TTLL11: variants seen among roughly 807,000 people sequenced by gnomAD.
TTLL11 encodes the protein tubulin tyrosine ligase like 11.
Under a neutral mutation model 51.7 loss-of-function variants are expected in TTLL11, and 42 were observed. The ratio of observed to expected loss-of-function variants is 0.81; its 90% CI spans 0.64 to 1.05. The LOEUF (loss-of-function observed/expected upper bound fraction) is 1.05. TTLL11 is among the 50% of genes least tolerant of loss of function. The probability of loss-of-function intolerance (pLI) is 0.00; values close to 1 mark genes in which losing one functional copy is unlikely to be tolerated. For synonymous variants in TTLL11, 381 were observed against 383.5 expected (o/e 0.99, Z 0.08); for missense variants, 799 against 940.4 (o/e 0.85, Z 1.97).
intron 6 of TTLL11, among the ~76,000 whole-genome samples, chr9:121,964,087 T>C (rs7020896): frequency 0.98 from 149,697 of 152,062 alleles, 73,729 homozygotes; most frequent in Middle Eastern, 1. Flanking sequence ...CACAGATACC[T>C]TTCAAGACTT....
intron 6 of TTLL11, among the ~76,000 whole-genome samples, chr9:121,893,959 A>C (rs1308933562): frequency 6.6e-6 from 1 of 152,196 alleles, no homozygotes; most frequent in Admixed American, 6.5e-5. Flanking sequence ...TGGCCTCCAA[A>C]GCTCTAAGGG....
intron 7 of TTLL11, among the ~76,000 whole-genome samples, chr9:121,866,368 A>G (rs969019788): frequency 3.3e-5 from 5 of 152,204 alleles, no homozygotes; most frequent in African/African-American, 1.2e-4. Context: ...CATTTGAAAA[A>G]GAAAAATCCG....
intron 3 of TTLL11, among the ~76,000 whole-genome samples, chr9:122,004,146 A>T (rs1439276854): frequency 6.6e-6 from 1 of 152,006 alleles, no homozygotes; most frequent in Non-Finnish European, 1.5e-5. Context: ...AAATAAAAAT[A>T]AAAAGTACCT....
chr9:122,017,007 T>G (rs574986178), intron 3 of TTLL11, among the ~76,000 whole-genome samples: 1 of 152,312 alleles, frequency 6.6e-6, no homozygotes, highest in African/African-American at 2.4e-5. Context: ...CTGATCACAT[T>G]TGAGTACCGG....
chr9:122,067,119 G>T (rs1194513666), intron 1 of TTLL11, among the ~76,000 whole-genome samples: 3 of 152,156 alleles, frequency 2.0e-5, no homozygotes, highest in Non-Finnish European at 4.4e-5. Flanking sequence ...CAAGACTTGA[G>T]TTCAAATCCT....
intron 6 of TTLL11, among the ~76,000 whole-genome samples, chr9:121,922,689 C>T (rs1840585531): frequency 6.6e-6 from 1 of 151,932 alleles, no homozygotes; most frequent in South Asian, 2.1e-4. Context: ...ATGTTAGAGC[C>T]CCAAGCAGGC....
At chr9:121,904,146 G>C (rs1213359631) in intron 6 of TTLL11, among the ~76,000 whole-genome samples, 1 of 152,054 alleles carries the variant, frequency 6.6e-6, no homozygotes, top group Non-Finnish European at 1.5e-5. Context: ...GATCATCCAA[G>C]GGACATCTGC....
chr9:121,971,285 G>A, intron 6 of TTLL11, among the ~76,000 whole-genome samples: 1 of 88,926 alleles, frequency 1.1e-5, no homozygotes, highest in Non-Finnish European at 2.6e-5. Flanking sequence ...CAGCCCCCCT[G>A]CCCGGCCAGC....
At chr9:122,061,502 A>G (rs1332203795) in intron 1 of TTLL11, among the ~76,000 whole-genome samples, 1 of 152,250 alleles carries the variant, frequency 6.6e-6, no homozygotes, top group East Asian at 1.9e-4. Context: ...TTGGGGTTGA[A>G]GAGTAGATAC....
At chr9:121,982,599 G>A (rs1842850022) in intron 4 of TTLL11, among the ~76,000 whole-genome samples, 1 of 151,520 alleles carries the variant, frequency 6.6e-6, no homozygotes, top group Admixed American at 6.6e-5. Context: ...GCGGGTAGCT[G>A]TAATCCAGCT....
intron 4 of TTLL11, among the ~76,000 whole-genome samples, chr9:121,976,760 T>C (rs1160043197): frequency 1.3e-5 from 2 of 152,182 alleles, no homozygotes; most frequent in South Asian, 2.1e-4. Context: ...GGATGAAAAG[T>C]TGGGAAAAGT....
rs905321808 is a variant in TTLL11 at position 121,822,671 on chromosome 9, G to T, written c.2049C>A (p.Pro683=). 1.3e-6 allele frequency: 2 copies of T among 1,543,382 alleles called. No homozygotes were observed. The highest frequency in any genetic ancestry group is 1.7e-6 in the Non-Finnish European group (2 of 1,144,046). Residue 683 remains proline (P), a synonymous_variant, in exon 9 of 9, where the codon CCC becomes CCA. Transcript: ENST00000321582. The surrounding 1 kb of genome is among the most constrained non-coding windows in gnomAD (Gnocchi z 5.8). Reference sequence around the variant, plus strand: ...GGTTGTCCCCTGCTGGCTGGGCCGAGGGGGAGGGCTCCTGGGGAGGGCCAC... The same window carrying T: ...GGTTGTCCCCTGCTGGCTGGGCCGATGGGGAGGGCTCCTGGGGAGGGCCAC... ...PHRGPPQEPS[P]SAQPAGDNPP...
intron 8 of TTLL11, among the ~76,000 whole-genome samples, chr9:121,850,151 C>CATAT (rs200317553): frequency 1.9e-5 from 2 of 106,668 alleles, no homozygotes; most frequent in African/African-American, 3.5e-5. Context: ...AGACTCACTG[C>CATAT]ATATATATAT....
At chr9:121,876,260 A>G (rs1212607774) in intron 6 of TTLL11, among the ~76,000 whole-genome samples, 1 of 152,276 alleles carries the variant, frequency 6.6e-6, no homozygotes, top group Non-Finnish European at 1.5e-5. Context: ...AGTGGTATAT[A>G]GTTCCAGAAA....
chr9:122,080,417 C>T (rs1008616741), intron 1 of TTLL11, among the ~76,000 whole-genome samples: 6 of 152,006 alleles, frequency 3.9e-5, no homozygotes, highest in Non-Finnish European at 5.9e-5. Context: ...GGTGCAGTGA[C>T]GCACACCTGT....
Position 121,860,393 on chromosome 9 carries a change from A to G in TTLL11, c.1784T>C (p.Leu595Pro), listed in dbSNP as rs1325179464. The G allele has an allele frequency of 1.4e-5, 22 of 1,551,512 alleles. No homozygotes were observed. The highest frequency in any genetic ancestry group is 1.9e-5 in the Non-Finnish European group (22 of 1,146,966). ...SSLSMAAVDI[L>P]YIDITRRWNS... ...CCACCTCCGTGTGATGTCAATGTAG[A>G]GGATGTCCACGGCAGCCATGGACAG... The change falls in exon 8 of 9, where the codon CTC becomes CCC. Residue 595 changes from leucine (L) to proline (P), a missense_variant. Coordinates refer to ENST00000321582, the MANE Select transcript of TTLL11 (RefSeq NM_001139442.2).
chr9:122,054,977 T>C (rs184400448), intron 1 of TTLL11, among the ~76,000 whole-genome samples: 105 of 152,292 alleles, frequency 6.9e-4, no homozygotes, highest in African/African-American at 2.4e-3. Flanking sequence ...AATTCAGTAC[T>C]TTCCCCAATA....
chr9:121,864,376 C>A (rs1029036097), intron 7 of TTLL11, among the ~76,000 whole-genome samples: 5 of 152,110 alleles, frequency 3.3e-5, no homozygotes, highest in African/African-American at 1.2e-4. Context: ...AGGATAAATT[C>A]TTCAGTGGAA....
At chr9:122,002,889 T>TGAGCCGA (rs1843516881) in intron 3 of TTLL11, among the ~76,000 whole-genome samples, 1 of 138,586 alleles carries the variant, frequency 7.2e-6, no homozygotes, top group Admixed American at 8.0e-5. Flanking sequence ...GAGGTTGCAG[T>TGAGCCGA]GAGCCGAGAG....
Sources: allele counts gnomAD v4.1 joint callset (sites outside exome capture counted in the v4.1 genomes callset), GRCh38; gene constraint gnomAD v4.1.1; non-coding constraint Gnocchi (gnomAD v3.1); transcripts MANE v1.5; gene names NCBI Gene and HGNC (gene_info 2026-07-23, HGNC 2026-07-21).